Variants in LOC128706665 observed in about 807,000 individuals in gnomAD.
the LOC128706665 span, among the ~76,000 whole-genome samples, chr20:10,433,558 G>T: frequency 6.6e-6 from 1 of 152,202 alleles, no homozygotes; most frequent in African/African-American, 2.4e-5. Context: ...TTTGGGTATG[G>T]TCTTATCGGG....
At chr20:10,429,612 T>G in the LOC128706665 span, among the ~76,000 whole-genome samples, 4 of 152,210 alleles carry the variant, frequency 2.6e-5, no homozygotes, top group East Asian at 7.7e-4. Flanking sequence ...CATCATCTAC[T>G]AAGCCATTCA....
the LOC128706665 span, among the ~76,000 whole-genome samples, chr20:10,414,485 G>A: frequency 6.6e-6 from 1 of 151,948 alleles, no homozygotes; most frequent in Non-Finnish European, 1.5e-5. Context: ...GGTTGGTCTC[G>A]AACTCCTGAC....
the LOC128706665 span, among the ~76,000 whole-genome samples, chr20:10,423,364 G>C: frequency 6.6e-6 from 1 of 152,158 alleles, no homozygotes; most frequent in Non-Finnish European, 1.5e-5. Flanking sequence ...TGAGGCTGCG[G>C]TGAGCTGAGA....
the LOC128706665 span, among the ~76,000 whole-genome samples, chr20:10,428,979 C>A: frequency 6.6e-6 from 1 of 152,148 alleles, no homozygotes; most frequent in Admixed American, 6.5e-5. Flanking sequence ...TACCTCCAAC[C>A]TTCCACTCTT....
At chr20:10,415,050 G>A in the LOC128706665 span, among the ~76,000 whole-genome samples, 6 of 152,054 alleles carry the variant, frequency 3.9e-5, no homozygotes, top group Non-Finnish European at 8.8e-5. Flanking sequence ...ATATCAAAAG[G>A]ACATGTAGAA....
At chr20:10,418,091 T>C in the LOC128706665 span, among the ~76,000 whole-genome samples, 1 of 152,224 alleles carries the variant, frequency 6.6e-6, no homozygotes, top group African/African-American at 2.4e-5. Context: ...AGAGTCACTG[T>C]TAAGTTTTTC....
the LOC128706665 span, among the ~76,000 whole-genome samples, chr20:10,415,760 A>AT: frequency 6.6e-6 from 1 of 152,246 alleles, no homozygotes; most frequent in East Asian, 1.9e-4. Context: ...TTCAATACTT[A>AT]ATAGTGTCAT....
chr20:10,416,051 A>G, the LOC128706665 span, among the ~76,000 whole-genome samples: 2 of 152,202 alleles, frequency 1.3e-5, no homozygotes, highest in African/African-American at 4.8e-5. Flanking sequence ...GTTCAGCTCT[A>G]TTAAAACTCT....
chr20:10,433,491 G>A, the LOC128706665 span, among the ~76,000 whole-genome samples: 1 of 152,220 alleles, frequency 6.6e-6, no homozygotes, highest in Admixed American at 6.5e-5. Flanking sequence ...TGGATAAACT[G>A]AAGATGTTAA....
chr20:10,429,698 T>C, the LOC128706665 span, among the ~76,000 whole-genome samples: 1 of 152,184 alleles, frequency 6.6e-6, no homozygotes, highest in South Asian at 2.1e-4. Context: ...CATCCTGCCA[T>C]TTGACATAAG....
chr20:10,424,048 T>C, the LOC128706665 span, among the ~76,000 whole-genome samples: 2 of 152,214 alleles, frequency 1.3e-5, no homozygotes, highest in East Asian at 3.8e-4. Flanking sequence ...TTTGAGAGGC[T>C]TGGGAAATGA....
At chr20:10,428,850 TA>T in the LOC128706665 span, among the ~76,000 whole-genome samples, 2 of 151,866 alleles carry the variant, frequency 1.3e-5, no homozygotes, top group Non-Finnish European at 2.9e-5. Context: ...TCTCAATAAA[TA>T]AATAAATAAA....
At chr20:10,432,562 G>A in the LOC128706665 span, among the ~76,000 whole-genome samples, 1 of 152,110 alleles carries the variant, frequency 6.6e-6, no homozygotes, top group African/African-American at 2.4e-5. Context: ...GGATGCCGAG[G>A]CGGGTGGATC....
At chr20:10,426,543 G>A in the LOC128706665 span, among the ~76,000 whole-genome samples, 1 of 152,172 alleles carries the variant, frequency 6.6e-6, no homozygotes, top group African/African-American at 2.4e-5. Flanking sequence ...GAGATTACAG[G>A]CCCACGCCAC....
At chr20:10,429,802 C>G in the LOC128706665 span, among the ~76,000 whole-genome samples, 1 of 152,188 alleles carries the variant, frequency 6.6e-6, no homozygotes, top group African/African-American at 2.4e-5. Flanking sequence ...AGTTCTCAAA[C>G]TGTGGTCCTC....
At chr20:10,428,826 A>G in the LOC128706665 span, among the ~76,000 whole-genome samples, 1 of 145,420 alleles carries the variant, frequency 6.9e-6, no homozygotes, top group Admixed American at 7.1e-5. Flanking sequence ...CCTAGGTGAC[A>G]GAGCAAGACT....
chr20:10,423,197 G>A, the LOC128706665 span, among the ~76,000 whole-genome samples: 5 of 152,054 alleles, frequency 3.3e-5, no homozygotes, highest in African/African-American at 1.2e-4. Context: ...CTAACACTTC[G>A]GGAGCCTGAG....
At chr20:10,424,184 T>G in the LOC128706665 span, among the ~76,000 whole-genome samples, 1 of 152,044 alleles carries the variant, frequency 6.6e-6, no homozygotes, top group African/African-American at 2.4e-5. Context: ...CAAGATGGAA[T>G]TAGCACTTTA....
chr20:10,426,189 T>C, the LOC128706665 span, among the ~76,000 whole-genome samples: 46 of 152,362 alleles, frequency 3.0e-4, no homozygotes, highest in Admixed American at 2.1e-3. Flanking sequence ...TACTGTCAGT[T>C]AACTGTGGCA....
Sources: allele counts gnomAD v4.1 joint callset (sites outside exome capture counted in the v4.1 genomes callset), GRCh38; gene constraint gnomAD v4.1.1; transcripts MANE v1.5.